The following RBM6 variants were observed in gnomAD, a reference collection of about 807,000 sequenced individuals.
RBM6 encodes the protein RNA binding motif protein 6.
In RBM6, 23 loss-of-function variants were observed where a neutral mutation model predicts 140.4. The ratio of observed to expected loss-of-function variants is 0.16; its 90% CI spans 0.12 to 0.23. RBM6 has a LOEUF of 0.23. RBM6 is among the 10% of genes least tolerant of loss of function. RBM6 has a pLI of 1.00. For missense variants in RBM6, 1,139 were observed against 1,386.7 expected (o/e 0.82, Z 2.84); for synonymous variants, 439 against 475.6 (o/e 0.92, Z 1.00).
rs945621245 is a variant in RBM6, at chr3:49,973,197, C to T, written c.1413+1049C>T. ...AGGCTGGAGTGCAGTGGCACAATCA[C>T]GGCTCACTGCAGCTTCTACCTCTTG... On this transcript the variant is annotated intron_variant, in intron 4 of 20. Coordinates refer to ENST00000266022, the MANE Select transcript of RBM6 (RefSeq NM_005777.3). 2.6e-4 allele frequency among the ~76,000 whole-genome samples: 39 copies of T among 152,064 alleles called. 1 individual carries two copies. The highest frequency in any genetic ancestry group is 2.6e-3 in the Admixed American group (39 of 15,270).
intron 5 of RBM6, among the ~76,000 whole-genome samples, chr3:49,999,205 C>T (rs1170972143): frequency 6.6e-6 from 1 of 152,064 alleles, no homozygotes; most frequent in Non-Finnish European, 1.5e-5. Flanking sequence ...GGCAAAGGAT[C>T]TTCTTGGTTA....
chr3:50,026,305 A>G (rs1188431064), intron 6 of RBM6, among the ~76,000 whole-genome samples: 1 of 149,636 alleles, frequency 6.7e-6, no homozygotes, highest in Non-Finnish European at 1.5e-5. Flanking sequence ...CTGGTCTCAA[A>G]CCCCTGACCT....
intron 6 of RBM6, among the ~76,000 whole-genome samples, chr3:50,001,989 C>A (rs960658357): frequency 2.6e-5 from 4 of 152,270 alleles, no homozygotes; most frequent in African/African-American, 7.2e-5. Flanking sequence ...GTATCCAGAA[C>A]ACTTACTATA....
intron 6 of RBM6, among the ~76,000 whole-genome samples, chr3:50,038,965 A>G (rs2088709147): frequency 6.6e-6 from 1 of 152,228 alleles, no homozygotes; most frequent in Admixed American, 6.5e-5. Flanking sequence ...CCCTTGCCCT[A>G]CATACCTCAT....
At chr3:50,068,822 G>A (rs2090198125) in intron 18 of RBM6, 58 bp downstream of exon 18, 4 of 1,467,370 alleles carry the variant, frequency 2.7e-6, no homozygotes, top group Non-Finnish European at 2.9e-6. Context: ...TTCTGATATA[G>A]ACTTCATAGG....
intron 1 of RBM6, among the ~76,000 whole-genome samples, chr3:49,951,789 C>G (rs1395509585): frequency 6.6e-6 from 1 of 151,944 alleles, no homozygotes; most frequent in Non-Finnish European, 1.5e-5. Context: ...GTGGCACAAA[C>G]TCGGCTCACT....
At chr3:50,063,973 A>G (rs1394884790) in intron 15 of RBM6, among the ~76,000 whole-genome samples, 4 of 151,726 alleles carry the variant, frequency 2.6e-5, no homozygotes, top group Non-Finnish European at 5.9e-5. Flanking sequence ...TCTGTCGCCC[A>G]GGCTGGAGTG....
intron 14 of RBM6, 156 bp downstream of exon 14, chr3:50,061,703 C>G: frequency 7.0e-7 from 1 of 1,437,042 alleles, no homozygotes; most frequent in Non-Finnish European, 9.1e-7. Flanking sequence ...TCTATGGAAA[C>G]AGAACTGTTG....
At position 49,968,392 on chromosome 3, in the gene RBM6, G is replaced by C; in HGVS notation, c.967G>C (p.Glu323Gln). Residue 323 changes from glutamate to glutamine, a missense_variant, in exon 3 of 21, where the codon GAA becomes CAA. Glu to Gln is a conservative substitution (Grantham distance 29). Transcript: ENST00000266022. ...REESTHDHTIERPAFGIQKGE... is the reference protein window; with the variant it reads ...REESTHDHTIQRPAFGIQKGE... ...AGAATCCACACATGACCATACGATA[G>C]AAAGGCCTGCTTTTGGCATTCAGAA... 1 of 1,614,212 alleles carries C rather than the reference G, an allele frequency of 6.2e-7. No individual in the cohort carries two copies.
intron 6 of RBM6, among the ~76,000 whole-genome samples, chr3:50,027,975 G>C (rs577925717): frequency 5.9e-5 from 9 of 152,010 alleles, no homozygotes; most frequent in Admixed American, 4.6e-4. Context: ...AGATAACCAG[G>C]TTTCAATTCT....
At chr3:49,962,166 AAAG>A (rs1402721047) in intron 1 of RBM6, among the ~76,000 whole-genome samples, 2 of 146,054 alleles carry the variant, frequency 1.4e-5, no homozygotes, top group Admixed American at 1.4e-4. Context: ...AAAAAAAAAA[AAAG>A]AAGGCCGGGT....
chr3:49,972,042 T>C lies in RBM6; in HGVS notation c.1324-17T>C. On this transcript the variant is annotated splice_polypyrimidine_tract_variant and intron_variant, in intron 3 of 20. Coordinates refer to ENST00000266022, the MANE Select transcript of RBM6 (RefSeq NM_005777.3). Reference sequence around the variant, plus strand: ...GTAAAGTATATTTGTGAAATAATTTTTCATTCTCAATTTAAGGATCAAGAT... The same window carrying C: ...GTAAAGTATATTTGTGAAATAATTTCTCATTCTCAATTTAAGGATCAAGAT... 6.4e-7 allele frequency: 1 copy of C among 1,569,582 alleles called. No individual in the cohort carries two copies. The highest frequency in any genetic ancestry group is 8.7e-7 in the Non-Finnish European group (1 of 1,144,404).
At chr3:49,963,469 A>G (rs533492189) in intron 2 of RBM6, among the ~76,000 whole-genome samples, 1 of 152,198 alleles carries the variant, frequency 6.6e-6, no homozygotes, top group Non-Finnish European at 1.5e-5. Context: ...GAAGGAATAC[A>G]TATTTGGCTA....
In RBM6 at chr3:49,967,332, G is replaced by C. The variant is rs878943909; in HGVS notation, c.45-138G>C. 5 of 1,466,362 alleles carry C rather than the reference G, an allele frequency of 3.4e-6. No homozygotes were observed. Among genetic ancestry groups the C allele is most frequent in the Admixed American group, 2.7e-5 (1 of 36,606 alleles). The allele number at this position is 1,466,362 out of a possible 1,614,324, so 90.8% of individuals were successfully genotyped here. On this transcript the variant is annotated intron_variant, in intron 2 of 20. Coordinates refer to ENST00000266022, the MANE Select transcript of RBM6 (RefSeq NM_005777.3). The surrounding 1 kb of genome is among the most constrained non-coding windows in gnomAD (Gnocchi z 4.0). ...TAGCAAAACTTTGCTGTTTTCTGCAGATCTAGGACCTTGTTACAGAACTCT... is the reference window on the plus strand; with the variant it reads ...TAGCAAAACTTTGCTGTTTTCTGCACATCTAGGACCTTGTTACAGAACTCT...
chr3:49,953,903 C>T (rs1321207660), intron 1 of RBM6, among the ~76,000 whole-genome samples: 6 of 151,948 alleles, frequency 3.9e-5, no homozygotes, highest in Admixed American at 3.3e-4. Flanking sequence ...GAGGTGGAGG[C>T]GGGGTAATCG....
intron 4 of RBM6, among the ~76,000 whole-genome samples, chr3:49,972,866 T>C (rs1394621265): frequency 6.6e-6 from 1 of 152,096 alleles, no homozygotes; most frequent in Non-Finnish European, 1.5e-5. Context: ...GAGTCTTGCT[T>C]TGTCGCCCAG....
chr3:50,012,502 T>C (rs1218048636), intron 6 of RBM6, among the ~76,000 whole-genome samples: 11 of 149,774 alleles, frequency 7.3e-5, no homozygotes, highest in Admixed American at 6.7e-4. Flanking sequence ...GGACTACAGG[T>C]GCCTGCCACC....
chr3:49,947,262 AG>A (rs71080561), intron 1 of RBM6, among the ~76,000 whole-genome samples: 3,763 of 59,698 alleles, frequency 0.063, 44 homozygotes, highest in South Asian at 0.16. Context: ...AAAAAAAAAA[AG>A]GGGGGGGGGG....
chr3:50,021,121 T>TA (rs2087454984), intron 6 of RBM6, among the ~76,000 whole-genome samples: 1 of 152,226 alleles, frequency 6.6e-6, no homozygotes, highest in African/African-American at 2.4e-5. Context: ...TTATGGCCCA[T>TA]AATGTGCTGC....
Sources: allele counts gnomAD v4.1 joint callset (sites outside exome capture counted in the v4.1 genomes callset), GRCh38; gene constraint gnomAD v4.1.1; non-coding constraint Gnocchi (gnomAD v3.1); transcripts MANE v1.5; gene names NCBI Gene and HGNC (gene_info 2026-07-23, HGNC 2026-07-21).